Variants in ITSN1 observed in about 807,000 individuals in gnomAD.
ITSN1 encodes the protein intersectin-1.
A neutral mutation model predicts 239.8 loss-of-function variants in ITSN1; 58 were observed. That is an observed-to-expected ratio of 0.24 (90% CI 0.20 to 0.30). ITSN1 has a LOEUF of 0.30. Among genes scored for constraint, ITSN1 ranks in the 10% least tolerant of loss-of-function variants. ITSN1 has a pLI of 1.00. For missense variants in ITSN1, 1,558 were observed against 2,103.3 expected, an observed-to-expected ratio of 0.74 and a Z score of 5.07; for synonymous variants, 780 against 770.8, an observed-to-expected ratio of 1.01 and a Z score of -0.20.
intron 1 of ITSN1, among the ~76,000 whole-genome samples, chr21:33,678,735 TC>T (rs2090748867): frequency 1.3e-5 from 2 of 152,078 alleles, no homozygotes; most frequent in African/African-American, 4.8e-5. Context: ...TGGTGGGGGA[TC>T]CGAGTCTCGC....
intron 33 of ITSN1, among the ~76,000 whole-genome samples, chr21:33,873,426 G>A (rs1378414344): frequency 1.3e-5 from 2 of 152,210 alleles, no homozygotes; most frequent in African/African-American, 2.4e-5. Context: ...AGTCCTTTGA[G>A]GATCTGATGG....
intron 26 of ITSN1, among the ~76,000 whole-genome samples, chr21:33,828,002 G>A (rs2074066836): frequency 6.6e-6 from 1 of 152,180 alleles, no homozygotes; most frequent in Admixed American, 6.5e-5. Context: ...TAAATACAGT[G>A]GATGGAGATA....
chr21:33,800,037 A>G (rs931634786), intron 19 of ITSN1, 108 bp downstream of exon 19: 28 of 1,060,136 alleles, frequency 2.6e-5, no homozygotes, highest in East Asian at 1.1e-4. Context: ...ATGAAACCCA[A>G]TAATCCAGCA....
chr21:33,837,102 G>A, intron 29 of ITSN1: 2 of 1,548,892 alleles, frequency 1.3e-6, no homozygotes, highest in South Asian at 1.2e-5. Context: ...GTGACTTCCA[G>A]CATGATCACC....
At chr21:33,651,512 G>A (rs1326882136) in intron 1 of ITSN1, among the ~76,000 whole-genome samples, 3 of 152,266 alleles carry the variant, frequency 2.0e-5, no homozygotes, top group East Asian at 1.9e-4. Flanking sequence ...TAAACTTTCC[G>A]GAGTTTCTCT....
chr21:33,703,433 T>G (rs2146847194), intron 1 of ITSN1, among the ~76,000 whole-genome samples: 1 of 152,284 alleles, frequency 6.6e-6, no homozygotes, highest in Middle Eastern at 3.4e-3. Flanking sequence ...CTGAACATTA[T>G]CCAAACTTGA....
At chr21:33,820,258 C>G (rs1736349035) in intron 24 of ITSN1, among the ~76,000 whole-genome samples, 1 of 152,160 alleles carries the variant, frequency 6.6e-6, no homozygotes, top group Admixed American at 6.5e-5. Context: ...TTAGGTAATT[C>G]AGGCCCTCAT....
At chr21:33,881,585 C>G (rs1228103293) in intron 34 of ITSN1, among the ~76,000 whole-genome samples, 1 of 152,040 alleles carries the variant, frequency 6.6e-6, no homozygotes, top group African/African-American at 2.4e-5. Flanking sequence ...GGTTTTCTCC[C>G]TGGAGCTGTT....
intron 19 of ITSN1, among the ~76,000 whole-genome samples, chr21:33,800,452 T>C (rs528423028): frequency 7.9e-5 from 12 of 152,144 alleles, no homozygotes; most frequent in Non-Finnish European, 1.3e-4. Context: ...CAAATCATTC[T>C]CATAATTGCA....
Position 33,772,283 on chromosome 21 carries a change from A to G in ITSN1, c.1265A>G (p.Gln422Arg). The G allele has an allele frequency of 6.4e-7, 1 of 1,568,902 alleles. No individual in the cohort carries two copies. Among genetic ancestry groups the G allele is most frequent in the Non-Finnish European group, 8.6e-7 (1 of 1,156,290 alleles). ...QLEKQRELER[Q>R]REEERRKEIE... ...GAAAAGCAGCGGGAGCTAGAACGGC[A>G]GAGAGAGGAGGAGAGGAGGAAAGAA... Residue 422 changes from glutamine (Q) to arginine (R), a missense_variant, in exon 12 of 40, where the codon CAG (glutamine) becomes CGG (arginine). Around this residue, in one of 2 missense-constraint regions of ITSN1, gnomAD observed 982 missense variants for 1,209.9 expected, o/e 0.81. Coordinates refer to ENST00000381318, the MANE Select transcript of ITSN1 (RefSeq NM_003024.3).
chr21:33,873,170 G>C (rs975196336), intron 33 of ITSN1, among the ~76,000 whole-genome samples: 1 of 152,222 alleles, frequency 6.6e-6, no homozygotes, highest in Non-Finnish European at 1.5e-5. Flanking sequence ...GCTTGGAATT[G>C]ATTTGTGGAC....
intron 1 of ITSN1, among the ~76,000 whole-genome samples, chr21:33,651,178 A>G (rs2088497645): frequency 6.6e-6 from 1 of 152,248 alleles, no homozygotes; most frequent in African/African-American, 2.4e-5. Flanking sequence ...GTACAGAGCA[A>G]GTGCTGGGGG....
chr21:33,644,197 G>A (rs2087715885), intron 1 of ITSN1, among the ~76,000 whole-genome samples: 2 of 152,112 alleles, frequency 1.3e-5, no homozygotes, highest in African/African-American at 2.4e-5. Context: ...TTCTTTTACT[G>A]GTGTGCTTGA....
At chr21:33,713,241 T>C (rs1001328870) in intron 1 of ITSN1, among the ~76,000 whole-genome samples, 1 of 151,764 alleles carries the variant, frequency 6.6e-6, no homozygotes, top group African/African-American at 2.4e-5. Context: ...TGGTAGCCTT[T>C]TTTTGTTTTT....
At chr21:33,795,676 GTTGA>G (rs1484664183) in intron 17 of ITSN1, among the ~76,000 whole-genome samples, 3 of 151,972 alleles carry the variant, frequency 2.0e-5, no homozygotes, top group Non-Finnish European at 2.9e-5. Flanking sequence ...CTCCTTGGAT[GTTGA>G]TTAACTCCAT....
chr21:33,724,059 A>T (rs577612348), intron 4 of ITSN1, among the ~76,000 whole-genome samples: 1 of 151,778 alleles, frequency 6.6e-6, no homozygotes, highest in African/African-American at 2.4e-5. Flanking sequence ...AACTGTCCTG[A>T]AATAGCAAAA....
At chr21:33,732,519 T>G (rs1345586068) in intron 4 of ITSN1, among the ~76,000 whole-genome samples, 1 of 152,180 alleles carries the variant, frequency 6.6e-6, no homozygotes. Flanking sequence ...AACTATTAGC[T>G]CTAGTAAATC....
intron 29 of ITSN1, among the ~76,000 whole-genome samples, chr21:33,855,249 T>G (rs1461640620): frequency 6.6e-6 from 1 of 152,152 alleles, no homozygotes; most frequent in Non-Finnish European, 1.5e-5. Flanking sequence ...GCTTGTTACA[T>G]CACAGATACC....
chr21:33,834,547 T>TG, intron 28 of ITSN1, 123 bp downstream of exon 28: 1 of 704,712 alleles, frequency 1.4e-6, no homozygotes, highest in Non-Finnish European at 2.5e-6. Context: ...TTCCTGTACT[T>TG]GCTGGGACTG....
Sources: gnomAD v4.1 joint callset for allele counts (sites outside exome capture counted in the v4.1 genomes callset) on GRCh38, gnomAD v4.1.1 for gene constraint, gnomAD v4.1.1 regional missense constraint, MANE v1.5 for transcripts, NCBI Gene and HGNC (gene_info 2026-07-23, HGNC 2026-07-21) for gene names.